The following AGMO variants were observed in gnomAD, a reference collection of about 807,000 sequenced individuals.
The protein encoded by AGMO is alkylglycerol monooxygenase.
A neutral mutation model predicts 60.2 loss-of-function variants in AGMO; 75 were observed. The observed-to-expected ratio is 1.25, with a 90% confidence interval of 1.03 to 1.51. AGMO has a LOEUF of 1.51. Among genes scored for constraint, AGMO ranks in the 40% most tolerant of loss-of-function variants. The probability of loss-of-function intolerance (pLI) is 0.00; values close to 1 mark genes in which losing one functional copy is unlikely to be tolerated. For synonymous variants in AGMO, 261 were observed against 177.1 expected (o/e 1.47, Z -3.76); for missense variants, 763 against 525.5 (o/e 1.45, Z -4.42).
intron 12 of AGMO, among the ~76,000 whole-genome samples, chr7:15,321,783 A>G (rs1030433720): frequency 1.3e-5 from 2 of 152,214 alleles, no homozygotes; most frequent in East Asian, 3.9e-4. Context: ...ACTCAAAAAG[A>G]TTTAAAAAAT....
chr7:15,127,941 G>C, the AGMO span, among the ~76,000 whole-genome samples: 1 of 151,894 alleles, frequency 6.6e-6, no homozygotes, highest in East Asian at 1.9e-4. Context: ...TTCTCCATTA[G>C]TGACATGTTT....
At position 15,421,566 on chromosome 7, in the gene AGMO, C is replaced by A. The variant is rs1780925882; in HGVS notation, c.514-2913G>T. Among the ~76,000 whole-genome samples the A allele has an allele frequency of 3.3e-5, 5 of 152,220 alleles. No homozygotes were observed. The South Asian group carries it at 1.0e-3, about 32-fold the overall frequency. ...TGCAACAGATTTAAGGATTTGGCAG[C>A]TGTTAAACATAGGAGTTGAGAGGTA... On this transcript the variant is annotated intron_variant, in intron 4 of 12. Coordinates refer to ENST00000342526, the MANE Select transcript of AGMO (RefSeq NM_001004320.2).
chr7:15,333,230 A>T (rs1041114160), intron 12 of AGMO, among the ~76,000 whole-genome samples: 2 of 152,124 alleles, frequency 1.3e-5, no homozygotes, highest in Non-Finnish European at 2.9e-5. Context: ...TTAAAGTTAA[A>T]TGCAAAATAC....
intron 12 of AGMO, among the ~76,000 whole-genome samples, chr7:15,282,546 G>T (rs1783997432): frequency 1.3e-5 from 2 of 152,050 alleles, no homozygotes; most frequent in South Asian, 4.1e-4. Context: ...AGAATCAAAA[G>T]AAATGAGCAA....
intron 3 of AGMO, among the ~76,000 whole-genome samples, chr7:15,441,476 A>G (rs1342908855): frequency 6.6e-6 from 1 of 152,192 alleles, no homozygotes; most frequent in Non-Finnish European, 1.5e-5. Context: ...AATACATTCA[A>G]AAGGAGTTCA....
At chr7:15,399,505 CTG>C (rs1264535673) in intron 5 of AGMO, among the ~76,000 whole-genome samples, 1 of 152,112 alleles carries the variant, frequency 6.6e-6, no homozygotes, top group Non-Finnish European at 1.5e-5. Flanking sequence ...TTTTTTAAAA[CTG>C]TTAAATTTTT....
chr7:15,380,934 G>A (rs1274282933), intron 10 of AGMO, among the ~76,000 whole-genome samples: 3 of 152,110 alleles, frequency 2.0e-5, no homozygotes, highest in Non-Finnish European at 4.4e-5. Context: ...AATGGGGAAA[G>A]GATTCCCTAA....
intron 3 of AGMO, among the ~76,000 whole-genome samples, chr7:15,510,488 G>C (rs190661530): frequency 1.3e-5 from 2 of 151,582 alleles, no homozygotes; most frequent in Admixed American, 6.6e-5. Flanking sequence ...CTAAGCATCT[G>C]TTTATGGGTA....
intron 4 of AGMO, among the ~76,000 whole-genome samples, chr7:15,419,811 T>G (rs1348437940): frequency 2.0e-5 from 3 of 152,074 alleles, no homozygotes; most frequent in Non-Finnish European, 2.9e-5. Context: ...CCTAAGTTCT[T>G]AAGCTTCTCT....
chr7:15,386,840 A>C (rs913788697), intron 9 of AGMO, among the ~76,000 whole-genome samples: 2 of 152,102 alleles, frequency 1.3e-5, no homozygotes, highest in African/African-American at 4.8e-5. Context: ...GTTAAAACTG[A>C]ATTTTTCATT....
intron 9 of AGMO, 109 bp downstream of exon 9, chr7:15,387,297 G>A: frequency 7.8e-7 from 1 of 1,286,426 alleles, no homozygotes; most frequent in East Asian, 2.3e-5. Context: ...TCTGACTGGG[G>A]GAACATCTTT....
chr7:15,315,115 T>A (rs1265918664), intron 12 of AGMO, among the ~76,000 whole-genome samples: 1 of 152,060 alleles, frequency 6.6e-6, no homozygotes, highest in African/African-American at 2.4e-5. Context: ...ATTTTGCCCT[T>A]GTGAAACCTG....
chr7:15,297,572 C>G (rs1236488853), intron 12 of AGMO, among the ~76,000 whole-genome samples: 1 of 151,896 alleles, frequency 6.6e-6, no homozygotes, highest in African/African-American at 2.4e-5. Flanking sequence ...TGCATTTGGC[C>G]ACGAAGTTGA....
chr7:15,558,190 A>G (rs553212795), intron 2 of AGMO, among the ~76,000 whole-genome samples: 52 of 152,194 alleles, frequency 3.4e-4, no homozygotes, highest in Admixed American at 3.0e-3. Flanking sequence ...TTATGATAAG[A>G]GAACAATCTA....
At chr7:15,234,833 A>G (rs1782370270) in intron 12 of AGMO, among the ~76,000 whole-genome samples, 1 of 152,206 alleles carries the variant, frequency 6.6e-6, no homozygotes, top group African/African-American at 2.4e-5. Flanking sequence ...CTTTTATTCT[A>G]CAATTTTAAC....
At chr7:15,192,133 G>A in the AGMO span, among the ~76,000 whole-genome samples, 12 of 152,004 alleles carry the variant, frequency 7.9e-5, no homozygotes, top group Non-Finnish European at 1.8e-4. Flanking sequence ...ATATGGAGAA[G>A]AGGCAGAAGT....
At position 15,551,118 on chromosome 7, in the gene AGMO, T is replaced by C. The variant is rs1054725564; in HGVS notation, c.258-6195A>G. Among the ~76,000 whole-genome samples the C allele has an allele frequency of 2.3e-3, 354 of 152,068 alleles. 2 individuals are homozygous for C. Among genetic ancestry groups the C allele is most frequent in the African/African-American group, 8.2e-3 (340 of 41,372 alleles). On this transcript the variant is annotated intron_variant, in intron 2 of 12. Transcript: ENST00000342526. Reference sequence around the variant, plus strand: ...AAAAGCCTTTGACAAAATTCAACAATCCTTCATGCTAAAAGCTCTCAATAA... The same window carrying C: ...AAAAGCCTTTGACAAAATTCAACAACCCTTCATGCTAAAAGCTCTCAATAA...
intron 12 of AGMO, among the ~76,000 whole-genome samples, chr7:15,319,383 C>A (rs1217637596): frequency 6.6e-6 from 1 of 152,032 alleles, no homozygotes; most frequent in African/African-American, 2.4e-5. Flanking sequence ...AGTCTAAAGT[C>A]TTTCAAAAGA....
intron 12 of AGMO, among the ~76,000 whole-genome samples, chr7:15,272,549 T>C (rs1352014861): frequency 6.6e-6 from 1 of 152,146 alleles, no homozygotes; most frequent in Non-Finnish European, 1.5e-5. Flanking sequence ...TTTGGGTTGG[T>C]TCCAAGTCTT....
Sources: allele counts gnomAD v4.1 joint callset (sites outside exome capture counted in the v4.1 genomes callset), GRCh38; gene constraint gnomAD v4.1.1; transcripts MANE v1.5; gene names NCBI Gene and HGNC (gene_info 2026-07-23, HGNC 2026-07-21).